Variants in WBP1L observed in about 807,000 individuals in gnomAD.
WBP1L encodes the protein WW domain binding protein 1 like.
WBP1L carries 17 observed loss-of-function variants against 33.7 expected under a neutral mutation model. That is an observed-to-expected ratio of 0.50 (90% CI 0.34 to 0.76). WBP1L has a LOEUF of 0.76. Ranked by LOEUF, WBP1L falls within the 30% of genes least tolerant of loss-of-function variation. The pLI is 0.01. For synonymous variants in WBP1L, 173 were observed against 190.8 expected, an observed-to-expected ratio of 0.91 and a Z score of 0.77; for missense variants, 389 against 469.4, an observed-to-expected ratio of 0.83 and a Z score of 1.58.
rs1478206032 is a variant in WBP1L, at chr10:102,813,682, G to C, written c.*351G>C. The C allele has an allele frequency of 2.6e-5, 7 of 266,276 alleles. No individual in the cohort carries two copies. The East Asian group carries it at 5.2e-4, about 20-fold the overall frequency. 16.5% of individuals were successfully genotyped at this position (266,276 alleles called of 1,614,324 possible). A position where few individuals can be genotyped will look rare whatever the true frequency, so the allele number is the denominator to read the frequency against. On this transcript the variant is annotated 3_prime_UTR_variant, in exon 4 of 4. Coordinates refer to ENST00000448841, the MANE Select transcript of WBP1L (RefSeq NM_001083913.2). ...AGGAAGGAGGCTGGGACTGTGCCCT[G>C]ACATGATTCTTGGTGATGGAATAGG...
At position 102,813,259 on chromosome 10, in the gene WBP1L, CGCATGCCT is replaced by C. The variant is rs757809065; in HGVS notation, c.1023_1030del (p.Cys342AlafsTer36). 1.2e-6 allele frequency: 2 copies of C among 1,612,926 alleles called. No homozygotes were observed. Among genetic ancestry groups the C allele is most frequent in the Non-Finnish European group, 1.7e-6 (2 of 1,179,998 alleles). ...GGCACCCGCACCTGCCACGGCCGCC[CGCATGCCT>C]GCTGCTGAACACCATCAACGAGCAG... On this transcript the variant is annotated frameshift_variant, in exon 4 of 4. Coordinates refer to ENST00000448841, the MANE Select transcript of WBP1L (RefSeq NM_001083913.2). LOFTEE classifies it high-confidence loss of function.
At chr10:102,750,347 A>G (rs1206669300) in intron 1 of WBP1L, among the ~76,000 whole-genome samples, 1 of 151,668 alleles carries the variant, frequency 6.6e-6, no homozygotes, top group African/African-American at 2.4e-5. Context: ...GCGAGCCTAG[A>G]TCACGCCACT....
chr10:102,803,393 G>GT (rs1564768780), intron 2 of WBP1L, among the ~76,000 whole-genome samples: 1 of 152,192 alleles, frequency 6.6e-6, no homozygotes, highest in African/African-American at 2.4e-5. Flanking sequence ...GGTTTGTAGT[G>GT]TAGTCATGGG....
At position 102,803,649 on chromosome 10, in the gene WBP1L, C is replaced by G. The variant is rs568527785; in HGVS notation, c.193+5554C>G. Among the ~76,000 whole-genome samples the G allele has an allele frequency of 2.0e-4, 30 of 151,060 alleles. No homozygotes were observed. In the South Asian group the frequency reaches 6.1e-3, roughly 31 times the overall value. On this transcript the variant is annotated intron_variant, in intron 2 of 3. Coordinates refer to ENST00000448841, the MANE Select transcript of WBP1L (RefSeq NM_001083913.2). ...AGGCAGGGTCTTGCTCTGTCTGTTG[C>G]CCAGGCTGGAGTGCAGTGGCGCTAT...
At chr10:102,778,906 A>G (rs1485101600) in intron 1 of WBP1L, among the ~76,000 whole-genome samples, 1 of 152,096 alleles carries the variant, frequency 6.6e-6, no homozygotes, top group Non-Finnish European at 1.5e-5. Flanking sequence ...CTTATGTGGT[A>G]GGATTATTCT....
intron 2 of WBP1L, 88 bp downstream of exon 2, chr10:102,798,183 C>A: frequency 1.7e-6 from 2 of 1,160,518 alleles, no homozygotes; most frequent in South Asian, 1.3e-5. Flanking sequence ...TAGCCCTTTT[C>A]GGATTCTCTT....
chr10:102,797,973 A>T lies in WBP1L; in HGVS notation c.91-20A>T. 2.5e-6 allele frequency: 4 copies of T among 1,604,746 alleles called. No homozygotes were observed. Among genetic ancestry groups the T allele is most frequent in the Non-Finnish European group, 3.4e-6 (4 of 1,172,528 alleles). On this transcript the variant is annotated intron_variant, in intron 1 of 3. Coordinates refer to ENST00000448841, the MANE Select transcript of WBP1L (RefSeq NM_001083913.2). ...AAAAGCTGTCATTTAATATGCTAAC[A>T]TGCTTTTTTAATTTTTTAGGATAAG... is the stretch of plus-strand genomic sequence containing the variant.
intron 1 of WBP1L, among the ~76,000 whole-genome samples, chr10:102,754,212 T>C (rs1842949585): frequency 6.6e-6 from 1 of 152,238 alleles, no homozygotes; most frequent in Admixed American, 6.5e-5. Flanking sequence ...TTGAATAGTG[T>C]GAGTTCATCC....
chr10:102,800,951 A>G (rs758420574), intron 2 of WBP1L, among the ~76,000 whole-genome samples: 1 of 152,178 alleles, frequency 6.6e-6, no homozygotes, highest in Middle Eastern at 3.2e-3. Context: ...ATAGTTGCCT[A>G]CAGGAAAGGC....
In WBP1L at chr10:102,815,500, G is replaced by A. The variant is rs1331714225; in HGVS notation, c.*2169G>A. ...TTGGACTAGCTGTGGCCCAGACATC[G>A]GCCCTGCCCAGAATTGCCAGGAGGA... On this transcript the variant is annotated 3_prime_UTR_variant, in exon 4 of 4. Transcript: ENST00000448841. 1 of 152,252 alleles carries A rather than the reference G, an allele frequency of 6.6e-6. No individual in the cohort carries two copies. The highest frequency in any genetic ancestry group is 1.5e-5 in the Non-Finnish European group (1 of 68,058). The allele number at this position is 152,252 out of a possible 1,614,324, so 9.4% of individuals were successfully genotyped here. A position where few individuals can be genotyped will look rare whatever the true frequency, so the allele number is the denominator to read the frequency against.
chr10:102,800,693 A>G (rs1421131124), intron 2 of WBP1L, among the ~76,000 whole-genome samples: 2 of 152,176 alleles, frequency 1.3e-5, no homozygotes, highest in Admixed American at 1.3e-4. Context: ...CTCTTTATTG[A>G]GGTCATGGCT....
intron 1 of WBP1L, among the ~76,000 whole-genome samples, chr10:102,767,222 G>T (rs1474760243): frequency 6.6e-6 from 1 of 152,190 alleles, no homozygotes; most frequent in Non-Finnish European, 1.5e-5. Context: ...GCGAATTGTT[G>T]TGCAGCCTAC....
intron 1 of WBP1L, among the ~76,000 whole-genome samples, chr10:102,779,045 T>C (rs1221927878): frequency 6.6e-6 from 1 of 152,036 alleles, no homozygotes. Context: ...TCCCAAATCC[T>C]GGATTTTTCT....
intron 3 of WBP1L, among the ~76,000 whole-genome samples, chr10:102,810,936 T>C (rs1277729411): frequency 1.3e-5 from 2 of 148,942 alleles, no homozygotes; most frequent in Non-Finnish European, 3.0e-5. Context: ...TCCTTTCTCT[T>C]TCTTACCCTT....
chr10:102,803,295 C>T (rs988498693), intron 2 of WBP1L, among the ~76,000 whole-genome samples: 1 of 152,194 alleles, frequency 6.6e-6, no homozygotes, highest in African/African-American at 2.4e-5. Context: ...GGGAGGAGAG[C>T]TCACTTACAG....
In WBP1L at chr10:102,785,432, CT is replaced by C. The variant is rs1355413648; in HGVS notation, c.91-12560del. 8.0e-5 allele frequency among the ~76,000 whole-genome samples: 12 copies of C among 150,054 alleles called. No individual in the cohort carries two copies. The East Asian group carries it at 9.9e-4, about 12-fold the overall frequency. ...TCGAACTCCTGATCTCATGATCCAC[CT>C]AGCTCGGCCTCCCAAAGTGCTGGGA... On this transcript the variant is annotated intron_variant, in intron 1 of 3. Coordinates refer to ENST00000448841, the MANE Select transcript of WBP1L (RefSeq NM_001083913.2).
At chr10:102,781,951 A>G (rs1843342825) in intron 1 of WBP1L, among the ~76,000 whole-genome samples, 1 of 151,738 alleles carries the variant, frequency 6.6e-6, no homozygotes, top group African/African-American at 2.4e-5. Flanking sequence ...TTGGCTTACT[A>G]CAACTTCTGC....
chr10:102,784,845 C>T (rs1356066386), intron 1 of WBP1L, among the ~76,000 whole-genome samples: 1 of 149,100 alleles, frequency 6.7e-6, no homozygotes, highest in Non-Finnish European at 1.5e-5. Flanking sequence ...GTAGGCCTGA[C>T]CCACTGCACC....
chr10:102,797,917 CAGG>C, intron 1 of WBP1L, 73 bp from the exon 2 acceptor site: 1 of 1,319,874 alleles, frequency 7.6e-7, no homozygotes, highest in Non-Finnish European at 1.1e-6. Flanking sequence ...AATAGACAAC[CAGG>C]AGGACAATGA....
Sources: gnomAD v4.1 joint callset for allele counts (sites outside exome capture counted in the v4.1 genomes callset) on GRCh38, gnomAD v4.1.1 for gene constraint, MANE v1.5 for transcripts, NCBI Gene and HGNC (gene_info 2026-07-23, HGNC 2026-07-21) for gene names.